Variants in PCGF3 observed in about 807,000 individuals in gnomAD.
PCGF3 encodes polycomb group RING finger protein 3.
In PCGF3, 7 loss-of-function variants were observed where a neutral mutation model predicts 33.1. That is an observed-to-expected ratio of 0.21 (90% confidence interval 0.12 to 0.40). The LOEUF (loss-of-function observed/expected upper bound fraction) is 0.40. Among genes scored for constraint, PCGF3 ranks in the 10% least tolerant of loss-of-function variants. PCGF3 has a pLI of 1.00. For synonymous variants in PCGF3, 153 were observed against 121.3 expected, an observed-to-expected ratio of 1.26 and a Z score of -1.72; for missense variants, 211 against 313.3, an observed-to-expected ratio of 0.67 and a Z score of 2.46.
intron 8 of PCGF3, among the ~76,000 whole-genome samples, chr4:754,095 C>A (rs191946796): frequency 6.6e-6 from 1 of 152,126 alleles, no homozygotes; most frequent in East Asian, 1.9e-4. Context: ...CATCTTCGCT[C>A]GTGCAGAGTT....
intron 1 of PCGF3, among the ~76,000 whole-genome samples, chr4:727,269 T>C (rs1267066390): frequency 7.3e-6 from 1 of 136,788 alleles, no homozygotes; most frequent in Non-Finnish European, 1.6e-5. Context: ...GAGATGGAGT[T>C]TCAGTCTTAT....
intron 5 of PCGF3, among the ~76,000 whole-genome samples, chr4:736,813 G>C (rs1743857129): frequency 7.0e-6 from 1 of 143,410 alleles, no homozygotes; most frequent in South Asian, 2.4e-4. Flanking sequence ...GGTGTCTGCA[G>C]GGACAGTGTC....
chr4:717,377 CTG>C (rs1428853394), intron 1 of PCGF3, among the ~76,000 whole-genome samples: 3 of 152,196 alleles, frequency 2.0e-5, no homozygotes, highest in Non-Finnish European at 4.4e-5. Context: ...CCTGTGGACA[CTG>C]TGAGTGTGTG....
At chr4:753,566 C>T (rs893033881) in intron 8 of PCGF3, among the ~76,000 whole-genome samples, 1 of 150,150 alleles carries the variant, frequency 6.7e-6, no homozygotes, top group Admixed American at 6.6e-5. Context: ...TGGCGTAAAC[C>T]CGGGAGGCAG....
At chr4:755,502 G>A (rs1192445767) in intron 8 of PCGF3, among the ~76,000 whole-genome samples, 2 of 152,178 alleles carry the variant, frequency 1.3e-5, no homozygotes, top group Non-Finnish European at 2.9e-5. Context: ...TTCTGCGGCT[G>A]TCGGCTTTCT....
chr4:762,699 T>C (rs1201015952), intron 9 of PCGF3: 1 of 152,334 alleles, frequency 6.6e-6, no homozygotes, highest in Admixed American at 6.5e-5. Context: ...TGTGGTGTTC[T>C]GTGGCAGCAG....
chr4:765,173 C>G (rs1745292294), intron 10 of PCGF3, 109 bp downstream of exon 10: 1 of 736,752 alleles, frequency 1.4e-6, no homozygotes, highest in South Asian at 1.6e-5. Context: ...GTGGCTCATG[C>G]CTGTAATCCC....
chr4:719,450 A>G (rs371381990), intron 1 of PCGF3, among the ~76,000 whole-genome samples: 207 of 152,350 alleles, frequency 1.4e-3, no homozygotes, highest in African/African-American at 4.9e-3. Context: ...GCTCAGGAAC[A>G]TGGTGGTGCC....
intron 4 of PCGF3, chr4:734,433 G>A (rs1196098899): frequency 2.3e-6 from 3 of 1,294,980 alleles, no homozygotes; most frequent in African/African-American, 1.5e-5. Context: ...AGTGATGCTT[G>A]TGTATTTCTC....
chr4:741,851 C>T (rs1009310748), intron 6 of PCGF3, among the ~76,000 whole-genome samples: 8 of 152,112 alleles, frequency 5.3e-5, no homozygotes, highest in Non-Finnish European at 7.3e-5. Context: ...CCACTGTGTC[C>T]GTGGGGCTCT....
intron 3 of PCGF3, among the ~76,000 whole-genome samples, chr4:732,969 C>T (rs1173411549): frequency 6.6e-6 from 1 of 152,024 alleles, no homozygotes; most frequent in African/African-American, 2.4e-5. Flanking sequence ...GCGAGCAGAG[C>T]GGCTGCGGCA....
At chr4:733,889 G>C in intron 4 of PCGF3, 100 bp downstream of exon 4, 1 of 1,596,598 alleles carries the variant, frequency 6.3e-7, no homozygotes. Context: ...TTTAGCTCAA[G>C]CCCGACAAAA....
chr4:753,095 C>T (rs1045359405), intron 8 of PCGF3, among the ~76,000 whole-genome samples: 7 of 152,256 alleles, frequency 4.6e-5, no homozygotes, highest in African/African-American at 1.7e-4. Flanking sequence ...CCTGAGCTGC[C>T]AGGTGGCCCA....
chr4:709,564 G>A (rs537557594), intron 1 of PCGF3, among the ~76,000 whole-genome samples: 6 of 152,378 alleles, frequency 3.9e-5, no homozygotes, highest in African/African-American at 1.4e-4. Context: ...AGTGAGTGAT[G>A]CATGAACAAA....
At chr4:763,696 C>G (rs925437284) in intron 9 of PCGF3, among the ~76,000 whole-genome samples, 6 of 152,214 alleles carry the variant, frequency 3.9e-5, no homozygotes, top group Non-Finnish European at 8.8e-5. Context: ...AACCACCCAG[C>G]AGCCACACCT....
chr4:736,774 C>T, intron 5 of PCGF3, among the ~76,000 whole-genome samples: 1 of 149,536 alleles, frequency 6.7e-6, no homozygotes, highest in East Asian at 2.0e-4. Flanking sequence ...GACGGTGTCC[C>T]CTGAGCGCAC....
chr4:754,293 G>A (rs192801503), intron 8 of PCGF3, among the ~76,000 whole-genome samples: 3 of 152,330 alleles, frequency 2.0e-5, no homozygotes, highest in South Asian at 2.1e-4. Flanking sequence ...TCCGAGTTGT[G>A]CCTCCCTGGC....
At chr4:764,813 G>A (rs1464625180) in intron 9 of PCGF3, 171 bp from the exon 10 acceptor site, 1 of 588,692 alleles carries the variant, frequency 1.7e-6, no homozygotes, top group Non-Finnish European at 3.1e-6. Flanking sequence ...TCCATCTCTA[G>A]GCTGTGAGGT....
chr4:736,204 C>T (rs953078138), intron 5 of PCGF3, among the ~76,000 whole-genome samples: 11 of 152,104 alleles, frequency 7.2e-5, no homozygotes, highest in South Asian at 2.1e-4. Context: ...CATGTCACCA[C>T]GCCCAGCTAA....
Sources: allele counts gnomAD v4.1 joint callset (sites outside exome capture counted in the v4.1 genomes callset), GRCh38; gene constraint gnomAD v4.1.1; transcripts MANE v1.5; gene names NCBI Gene and HGNC (gene_info 2026-07-23, HGNC 2026-07-21).